The following ZNF227 variants were observed in gnomAD, a reference collection of about 807,000 sequenced individuals.
ZNF227 encodes zinc finger protein 227.
Under a neutral mutation model 13.2 loss-of-function variants are expected in ZNF227, and 12 were observed. That is an observed-to-expected ratio of 0.91 (90% confidence interval 0.58 to 1.47). The LOEUF is 1.47. Among genes scored for constraint, ZNF227 ranks in the 40% most tolerant of loss-of-function variants. The pLI is 0.00. For synonymous variants in ZNF227, 338 were observed against 326.0 expected (o/e 1.04, Z -0.40); for missense variants, 885 against 967.5 (o/e 0.91, Z 1.13).
At chr19:44,230,932 T>TAA (rs1973751581) in intron 5 of ZNF227, among the ~76,000 whole-genome samples, 1 of 112,982 alleles carries the variant, frequency 8.9e-6, no homozygotes, top group East Asian at 2.3e-4. Flanking sequence ...AAAAAATATA[T>TAA]ATATATATAT....
chr19:44,210,639 A>C (rs1413363650), upstream of ZNF227, among the ~76,000 whole-genome samples: 2 of 152,202 alleles, frequency 1.3e-5, no homozygotes, highest in African/African-American at 4.8e-5. Context: ...ACCAAATACA[A>C]AGAATTAGAG....
chr19:44,236,557 C>T lies in ZNF227; in HGVS notation c.2127C>T (p.Val709=). 6.2e-7 allele frequency: 1 copy of T among 1,613,678 alleles called. No homozygotes were observed. Among genetic ancestry groups the T allele is most frequent in the Non-Finnish European group, 8.5e-7 (1 of 1,179,900 alleles). Residue 709 remains valine, a synonymous_variant, in exon 6 of 6, where the codon GTC becomes GTT. Coordinates refer to ENST00000313040, the MANE Select transcript of ZNF227 (RefSeq NM_182490.3). ...RSLNLRHHQR[V]HTGEKPHICE... ...TGAATCTTCGCCATCATCAGAGGGTCCACACGGGAGAGAAACCCCATATAT... is the reference window on the plus strand; with the variant it reads ...TGAATCTTCGCCATCATCAGAGGGTTCACACGGGAGAGAAACCCCATATAT...
At chr19:44,219,755 T>G (rs1038637122) in intron 3 of ZNF227, among the ~76,000 whole-genome samples, 20 of 149,146 alleles carry the variant, frequency 1.3e-4, no homozygotes, top group African/African-American at 4.8e-4. Context: ...GGATGTTGAT[T>G]TTCTTTTATT....
At chr19:44,230,281 C>T (rs1234172683) in intron 5 of ZNF227, among the ~76,000 whole-genome samples, 1 of 152,170 alleles carries the variant, frequency 6.6e-6, no homozygotes, top group Non-Finnish European at 1.5e-5. Context: ...TCCCAAAGTG[C>T]TGGGATTACA....
At chr19:44,223,543 T>G (rs1381432313) in intron 3 of ZNF227, among the ~76,000 whole-genome samples, 1 of 152,236 alleles carries the variant, frequency 6.6e-6, no homozygotes, top group Non-Finnish European at 1.5e-5. Flanking sequence ...TTTTCTAATT[T>G]ATTTGCGTAG....
Position 44,228,511 on chromosome 19 carries a change from TA to T in ZNF227, c.127del (p.Thr43ProfsTer41). The T allele has an allele frequency of 6.2e-7, 1 of 1,613,984 alleles. No homozygotes were observed. The highest frequency in any genetic ancestry group is 8.5e-7 in the Non-Finnish European group (1 of 1,179,984). ...GGGAGGAACTGCGACTGCTCGATCT[TA>T]CCCAGAGGAAGCTGTACCGAGATGT... ...SREELRLLDL[T>X]QRKLYRDVMV... On this transcript the variant is annotated frameshift_variant, in exon 4 of 6. Transcript: ENST00000313040. LOFTEE classifies it high-confidence loss of function.
At chr19:44,230,926 A>AAAAAAAAAAAAAATATATATAT (rs1555792168) in intron 5 of ZNF227, among the ~76,000 whole-genome samples, 1 of 68,116 alleles carries the variant, frequency 1.5e-5, no homozygotes, top group African/African-American at 9.8e-5. Context: ...AAAAAAAAAA[A>AAAAAAAAAAAAAATATATATAT]ATATATATAT....
chr19:44,223,024 T>C (rs1336334961), intron 3 of ZNF227, among the ~76,000 whole-genome samples: 2 of 152,208 alleles, frequency 1.3e-5, no homozygotes, highest in Non-Finnish European at 2.9e-5. Flanking sequence ...GAGATAATCA[T>C]GTGGTTTTTG....
chr19:44,225,128 G>A (rs527905042), intron 3 of ZNF227, among the ~76,000 whole-genome samples: 12 of 148,814 alleles, frequency 8.1e-5, no homozygotes, highest in South Asian at 4.2e-4. Context: ...AGTTTCTGCC[G>A]AGAGATCCGC....
Position 44,228,544 on chromosome 19 carries a change from G to A in ZNF227, c.159G>A (p.Val53=), listed in dbSNP as rs752728815. ...GGAAGCTGTACCGAGATGTCATGGT[G>A]GAGAACTTCAAGAACCTGGTTGCAG... ...TQRKLYRDVM[V]ENFKNLVAVG... The change falls in exon 4 of 6, where the codon GTG becomes GTA. Residue 53 remains valine (V), a synonymous_variant. Coordinates refer to ENST00000313040, the MANE Select transcript of ZNF227 (RefSeq NM_182490.3). The A allele has an allele frequency of 1.3e-5, 21 of 1,613,346 alleles. No individual in the cohort carries two copies. Among genetic ancestry groups the A allele is most frequent in the Non-Finnish European group, 1.6e-5 (19 of 1,179,862 alleles).
Position 44,236,071 on chromosome 19 carries a change from A to G in ZNF227, c.1641A>G (p.Pro547=). The G allele has an allele frequency of 6.2e-7, 1 of 1,613,744 alleles. No homozygotes were observed. Reference sequence around the variant, plus strand: ...AGCGAGTCCACACTGGAGAGAAACCATATAGATGTGATGTGTGTGGTAAGG... The same window carrying G: ...AGCGAGTCCACACTGGAGAGAAACCGTATAGATGTGATGTGTGTGGTAAGG... ...THQRVHTGEK[P]YRCDVCGKDF... is the part of the protein sequence containing the mutation. Residue 547 remains proline (P), a synonymous_variant, in exon 6 of 6, where the codon CCA becomes CCG. Coordinates refer to ENST00000313040, the MANE Select transcript of ZNF227 (RefSeq NM_182490.3).
chr19:44,228,708 C>A, intron 4 of ZNF227, 136 bp downstream of exon 4: 3 of 1,146,214 alleles, frequency 2.6e-6, no homozygotes, highest in Non-Finnish European at 3.5e-6. Context: ...CCTGGGAAAA[C>A]AGGATAGGTT....
At chr19:44,228,011 T>G (rs1038661960) in intron 3 of ZNF227, among the ~76,000 whole-genome samples, 2 of 152,014 alleles carry the variant, frequency 1.3e-5, no homozygotes, top group Non-Finnish European at 2.9e-5. Context: ...GGCAGATCAT[T>G]GGAGGTCAGG....
intron 3 of ZNF227, among the ~76,000 whole-genome samples, chr19:44,226,827 AC>A (rs1973218833): frequency 6.6e-6 from 1 of 152,114 alleles, no homozygotes; most frequent in African/African-American, 2.4e-5. Context: ...TGAACCCAGT[AC>A]CTCAGATGGA....
At chr19:44,214,831 C>G (rs1971696619) in intron 2 of ZNF227, among the ~76,000 whole-genome samples, 1 of 151,362 alleles carries the variant, frequency 6.6e-6, no homozygotes, top group South Asian at 2.1e-4. Flanking sequence ...AAGCAGGAGT[C>G]CCAACTTCTG....
intron 5 of ZNF227, among the ~76,000 whole-genome samples, chr19:44,234,413 C>T (rs1040218369): frequency 6.6e-6 from 1 of 152,118 alleles, no homozygotes; most frequent in Admixed American, 6.5e-5. Context: ...CTTTTTGTTG[C>T]CCTGCAGCTA....
chr19:44,226,824 A>G (rs568954446), intron 3 of ZNF227, among the ~76,000 whole-genome samples: 1,729 of 152,280 alleles, frequency 0.011, 19 homozygotes, highest in Non-Finnish European at 0.017. Context: ...AGATGAACCC[A>G]GTACCTCAGA....
upstream of ZNF227, among the ~76,000 whole-genome samples, chr19:44,209,601 T>G (rs540670198): frequency 3.9e-5 from 6 of 152,266 alleles, no homozygotes; most frequent in East Asian, 9.7e-4. Context: ...ATTTATTTAT[T>G]TTTGAGACGG....
intron 3 of ZNF227, among the ~76,000 whole-genome samples, chr19:44,219,766 T>TATTC (rs1972259830): frequency 6.7e-6 from 1 of 150,360 alleles, no homozygotes; most frequent in African/African-American, 2.4e-5. Context: ...TTCTTTTATT[T>TATTC]ATTTATTTAT....
Sources: gnomAD v4.1 joint callset for allele counts (sites outside exome capture counted in the v4.1 genomes callset) on GRCh38, gnomAD v4.1.1 for gene constraint, MANE v1.5 for transcripts, NCBI Gene and HGNC (gene_info 2026-07-23, HGNC 2026-07-21) for gene names.